MAP2K5: variants seen among roughly 807,000 people sequenced by gnomAD.
MAP2K5 encodes the protein dual specificity mitogen-activated protein kinase kinase 5.
Under a neutral mutation model 83.1 loss-of-function variants are expected in MAP2K5, and 49 were observed. That is an observed-to-expected ratio of 0.59 (90% CI 0.47 to 0.75). The LOEUF is 0.75. MAP2K5 is among the 30% of genes least tolerant of loss of function. MAP2K5 has a pLI of 0.00. For missense variants in MAP2K5, 457 were observed against 557.5 expected, an observed-to-expected ratio of 0.82 and a Z score of 1.82; for synonymous variants, 202 against 191.8, an observed-to-expected ratio of 1.05 and a Z score of -0.44.
chr15:67,780,946 C>A lies in MAP2K5; in HGVS notation c.1242+8194C>A, dbSNP rs187375387. 1.2e-3 allele frequency among the ~76,000 whole-genome samples: 187 copies of A among 152,324 alleles called. 1 individual carries two copies. Among genetic ancestry groups the A allele is most frequent in the African/African-American group, 4.2e-3 (174 of 41,576 alleles). ...GAGAATTTACCTCAAGCAAGTAACTCCACATCCAGAGGTTATTAGAGAGCC... is the reference window on the plus strand; with the variant it reads ...GAGAATTTACCTCAAGCAAGTAACTACACATCCAGAGGTTATTAGAGAGCC... On this transcript the variant is annotated intron_variant, in intron 21 of 21. Transcript: ENST00000178640. This position sits in a 1 kb window ranked among gnomAD's most constrained non-coding sequence, Gnocchi z 5.0.
rs567529050 is a variant in MAP2K5, at chr15:67,675,953, C to G, written c.847+11308C>G. ...TCGTGTGTCATTCAAGGAACAAATG[C>G]AAATGGAAGAGGATAGTTATTTCCC... On this transcript the variant is annotated intron_variant, in intron 13 of 21. Transcript: ENST00000178640. 6.6e-5 allele frequency among the ~76,000 whole-genome samples: 10 copies of G among 152,234 alleles called. No individual in the cohort carries two copies. The East Asian group carries it at 1.5e-3, about 24-fold the overall frequency.
intron 13 of MAP2K5, among the ~76,000 whole-genome samples, chr15:67,678,851 C>A (rs867545343): frequency 2.6e-5 from 4 of 151,234 alleles, no homozygotes; most frequent in African/African-American, 9.7e-5. Context: ...GTAGTCCCAG[C>A]TACTCAGGAG....
At chr15:67,689,911 C>T (rs1375801171) in intron 13 of MAP2K5, among the ~76,000 whole-genome samples, 2 of 152,204 alleles carry the variant, frequency 1.3e-5, no homozygotes, top group African/African-American at 4.8e-5. Context: ...TTAGGGCAAA[C>T]TTGTCCAACC....
chr15:67,691,620 C>T (rs1305030670), intron 13 of MAP2K5, among the ~76,000 whole-genome samples: 2 of 152,154 alleles, frequency 1.3e-5, no homozygotes, highest in Non-Finnish European at 2.9e-5. Context: ...CCATAAAAGA[C>T]GCATTGAAGC....
chr15:67,583,307 G>T (rs1444769209), intron 4 of MAP2K5, among the ~76,000 whole-genome samples: 1 of 152,150 alleles, frequency 6.6e-6, no homozygotes, highest in African/African-American at 2.4e-5. Context: ...GAGTGGAGAG[G>T]AGTATGTTAT....
chr15:67,549,457 G>A (rs1233371291), intron 1 of MAP2K5, among the ~76,000 whole-genome samples: 1 of 152,148 alleles, frequency 6.6e-6, no homozygotes, highest in Non-Finnish European at 1.5e-5. Flanking sequence ...CTTGGGTGTC[G>A]AACTCCTACC....
intron 21 of MAP2K5, among the ~76,000 whole-genome samples, chr15:67,792,635 TTC>T (rs1379465744): frequency 6.6e-6 from 1 of 152,214 alleles, no homozygotes; most frequent in Non-Finnish European, 1.5e-5. Context: ...CCCACTGAGT[TTC>T]TGAGTCACCC....
chr15:67,664,494 C>G, intron 12 of MAP2K5, 103 bp from the exon 13 acceptor site: 1 of 688,030 alleles, frequency 1.5e-6, no homozygotes, highest in Admixed American at 2.5e-5. Context: ...CAGGGTGACA[C>G]CCTGTCTCAA....
rs995403727 is a variant in MAP2K5, at chr15:67,638,373, C to G, written c.585+7446C>G. Among the ~76,000 whole-genome samples, 4 of 152,174 alleles carry G rather than the reference C, an allele frequency of 2.6e-5. No homozygotes were observed. The highest frequency in any genetic ancestry group is 7.2e-5 in the African/African-American group (3 of 41,434). ...TTGCTAAAGATGATGACCTCCAGCT[C>G]CATCCATGTTCCTGCAGAGGACATG... On this transcript the variant is annotated intron_variant, in intron 9 of 21. Transcript: ENST00000178640. This position sits in a 1 kb window ranked among gnomAD's most constrained non-coding sequence, Gnocchi z 4.5.
rs1028240529 is a variant in MAP2K5, at chr15:67,654,459, G to C, written c.737-4094G>C. ...CTTTGTTGTAGACAGCATATAGTTG[G>C]ATCATTTTTTTAAAAATCAATTCTG... is the stretch of plus-strand genomic sequence containing the variant. On this transcript the variant is annotated intron_variant, in intron 11 of 21. Transcript: ENST00000178640. Among the ~76,000 whole-genome samples the C allele has an allele frequency of 5.9e-5, 9 of 151,990 alleles. No homozygotes were observed. In the East Asian group the frequency reaches 1.5e-3, roughly 26 times the overall value.
intron 21 of MAP2K5, among the ~76,000 whole-genome samples, chr15:67,795,436 T>C (rs1430916818): frequency 3.9e-5 from 6 of 152,256 alleles, no homozygotes; most frequent in Admixed American, 3.9e-4. Flanking sequence ...GTTTTCATTG[T>C]CCTTCAATTC....
At chr15:67,680,403 T>A (rs2087790005) in intron 13 of MAP2K5, among the ~76,000 whole-genome samples, 1 of 152,188 alleles carries the variant, frequency 6.6e-6, no homozygotes, top group South Asian at 2.1e-4. Flanking sequence ...CTAGCACATA[T>A]CAGATTTGAG....
rs1158860636 is a variant in MAP2K5 at position 67,586,848 on chromosome 15, GA to G, written c.368del (p.Asn123IlefsTer23). On this transcript the variant is annotated frameshift_variant, in exon 6 of 22. Coordinates refer to ENST00000178640, the MANE Select transcript of MAP2K5 (RefSeq NM_145160.3). LOFTEE classifies it high-confidence loss of function. ...GERNIHGLKV[N>X]TRAGPSQHSS... ...CAAGATTCTTTCTTTACTTATAGGTGAATACTCGGGCCGGACCCTCTCAACA... is the reference window on the plus strand; with the variant it reads ...CAAGATTCTTTCTTTACTTATAGGTGATACTCGGGCCGGACCCTCTCAACA... The G allele has an allele frequency of 5.6e-6, 9 of 1,613,970 alleles. No individual in the cohort carries two copies. Among genetic ancestry groups the G allele is most frequent in the Non-Finnish European group, 7.6e-6 (9 of 1,179,912 alleles).
chr15:67,625,218 G>T (rs1016618481), intron 8 of MAP2K5, among the ~76,000 whole-genome samples: 3 of 152,146 alleles, frequency 2.0e-5, no homozygotes, highest in African/African-American at 4.8e-5. Context: ...GAAAGTATTC[G>T]CTTGCACTGG....
At chr15:67,622,355 T>A (rs2086206179) in intron 8 of MAP2K5, among the ~76,000 whole-genome samples, 1 of 152,034 alleles carries the variant, frequency 6.6e-6, no homozygotes, top group African/African-American at 2.4e-5. Context: ...TTGAGTATTG[T>A]GCATAAGGGA....
intron 5 of MAP2K5, 53 bp from the exon 6 acceptor site, chr15:67,586,793 A>T: frequency 1.3e-6 from 2 of 1,525,842 alleles, no homozygotes; most frequent in Admixed American, 1.7e-5. Context: ...TAGGTTAATT[A>T]GAACTGTGTC....
At chr15:67,628,052 G>A in intron 8 of MAP2K5, 1 of 731,426 alleles carries the variant, frequency 1.4e-6, no homozygotes, top group Non-Finnish European at 2.4e-6. Context: ...TGGAGGCAGT[G>A]GATGCAGCCA....
chr15:67,603,559 T>A (rs2085710321), intron 8 of MAP2K5, among the ~76,000 whole-genome samples: 1 of 152,230 alleles, frequency 6.6e-6, no homozygotes, highest in South Asian at 2.1e-4. Context: ...CCTGTGTGAT[T>A]CTTGAGAGGG....
chr15:67,634,579 A>AT (rs1184501564), intron 9 of MAP2K5, among the ~76,000 whole-genome samples: 2 of 151,762 alleles, frequency 1.3e-5, no homozygotes, highest in Non-Finnish European at 2.9e-5. Flanking sequence ...CAGTTCTGTT[A>AT]TTTTTTACTT....
Sources: gnomAD v4.1 joint callset for allele counts (sites outside exome capture counted in the v4.1 genomes callset) on GRCh38, gnomAD v4.1.1 for gene constraint, Gnocchi (gnomAD v3.1) non-coding constraint, MANE v1.5 for transcripts, NCBI Gene and HGNC (gene_info 2026-07-23, HGNC 2026-07-21) for gene names.